Variants in COPS8 observed in about 807,000 individuals in gnomAD.
COPS8 encodes COP9 signalosome complex subunit 8.
A neutral mutation model predicts 31.5 loss-of-function variants in COPS8; 11 were observed. That is an observed-to-expected ratio of 0.35 (90% CI 0.22 to 0.58). The LOEUF is 0.58. Ranked by LOEUF, COPS8 falls within the 20% of genes least tolerant of loss-of-function variation. COPS8 has a pLI of 0.83. For missense variants in COPS8, 215 were observed against 255.1 expected (o/e 0.84, Z 1.07); for synonymous variants, 81 against 89.3 (o/e 0.91, Z 0.52).
intron 7 of COPS8, 72 bp downstream of exon 7, chr2:237,096,941 ATGTGTGTGTGAG>A: frequency 9.7e-7 from 1 of 1,027,426 alleles, no homozygotes; most frequent in Admixed American, 2.0e-5. Flanking sequence ...ATATATGTAT[ATGTGTGTGTGAG>A]TGTGTGTATC....
chr2:237,087,248 T>C (rs751905677), intron 2 of COPS8, 51 bp downstream of exon 2: 1 of 1,371,088 alleles, frequency 7.3e-7, no homozygotes, highest in South Asian at 1.3e-5. Context: ...CAAAGTTATA[T>C]GGAAATATTT....
At chr2:237,094,517 C>A (rs116773532) in intron 5 of COPS8, among the ~76,000 whole-genome samples, 2 of 151,974 alleles carry the variant, frequency 1.3e-5, no homozygotes, top group African/African-American at 4.8e-5. Context: ...ATCCCCACGT[C>A]CCTTTTCATT....
At chr2:237,087,979 A>G (rs1696649489) in intron 2 of COPS8, among the ~76,000 whole-genome samples, 1 of 150,806 alleles carries the variant, frequency 6.6e-6, no homozygotes, top group Non-Finnish European at 1.5e-5. Context: ...AGTCTCCTAT[A>G]GTTCTGTGAC....
chr2:237,097,636 A>C, intron 7 of COPS8, 27 bp from the exon 8 acceptor site: 1 of 1,560,044 alleles, frequency 6.4e-7, no homozygotes, highest in Non-Finnish European at 8.8e-7. Context: ...ATGTAACATG[A>C]AGTGTGTTTG....
chr2:237,089,198 G>C (rs987835943), intron 3 of COPS8, among the ~76,000 whole-genome samples: 2 of 152,176 alleles, frequency 1.3e-5, no homozygotes, highest in African/African-American at 4.8e-5. Flanking sequence ...TGAGTGTCAA[G>C]TGAAATTTTT....
At chr2:237,090,141 C>G in intron 4 of COPS8, 147 bp downstream of exon 4, 1 of 682,408 alleles carries the variant, frequency 1.5e-6, no homozygotes. Flanking sequence ...TTAGATTTGC[C>G]CTAATCATGC....
At position 237,099,667 on chromosome 2, in the gene COPS8, A is replaced by C. The variant is rs567554403; in HGVS notation, c.*1925A>C. On this transcript the variant is annotated 3_prime_UTR_variant, in exon 8 of 8. Coordinates refer to ENST00000354371, the MANE Select transcript of COPS8 (RefSeq NM_006710.5). ...CTCCTGTCTACATGAAAAGGTCTAG[A>C]GTAATTACAGTTCAGTAACAATGAG... 3 of 152,318 alleles carry C rather than the reference A, an allele frequency of 2.0e-5. No homozygotes were observed. Among genetic ancestry groups the C allele is most frequent in the African/African-American group, 7.2e-5 (3 of 41,576 alleles). The allele number at this position is 152,318 out of a possible 1,614,324, so 9.4% of individuals were successfully genotyped here.
chr2:237,087,564 G>A (rs1696642013), intron 2 of COPS8: 2 of 254,694 alleles, frequency 7.9e-6, no homozygotes, highest in Non-Finnish European at 1.7e-5. Flanking sequence ...TTACAAACAT[G>A]TATGAGATTT....
intron 1 of COPS8, 147 bp downstream of exon 1, chr2:237,086,189 C>T: frequency 1.3e-6 from 1 of 756,944 alleles, no homozygotes. Context: ...GATCCCTGAC[C>T]GCCGCAACCT....
intron 6 of COPS8, among the ~76,000 whole-genome samples, chr2:237,096,431 C>T (rs1357058044): frequency 1.3e-5 from 2 of 152,200 alleles, no homozygotes; most frequent in Non-Finnish European, 2.9e-5. Context: ...GATAGTTTCT[C>T]TTCCTCCTGC....
At chr2:237,091,961 A>C (rs1251121371) in intron 4 of COPS8, among the ~76,000 whole-genome samples, 1 of 152,134 alleles carries the variant, frequency 6.6e-6, no homozygotes, top group Non-Finnish European at 1.5e-5. Flanking sequence ...TTGGCGGCCA[A>C]CCTCCCTGGC....
rs758198801 is a variant in COPS8 at position 237,089,858 on chromosome 2, G to A, written c.199-4G>A. 1.2e-6 allele frequency: 2 copies of A among 1,611,948 alleles called. No homozygotes were observed. The highest frequency in any genetic ancestry group is 1.7e-6 in the Non-Finnish European group (2 of 1,179,622). On this transcript the variant is annotated splice_region_variant and splice_polypyrimidine_tract_variant and intron_variant, in intron 3 of 7. Coordinates refer to ENST00000354371, the MANE Select transcript of COPS8 (RefSeq NM_006710.5). ...ACCCTCTAAGGCAATAATATTTATT[G>A]CAGGCAAATTCTGAACTTGGGGGAA... is the stretch of plus-strand genomic sequence containing the variant.
rs1007319528 is a variant in COPS8, at chr2:237,098,618, TGTAACTTAAG to T, written c.*879_*888del. 3 of 152,220 alleles carry T rather than the reference TGTAACTTAAG, an allele frequency of 2.0e-5. No homozygotes were observed. The highest frequency in any genetic ancestry group is 6.5e-5 in the Admixed American group (1 of 15,284). The allele number at this position is 152,220 out of a possible 1,614,324, so 9.4% of individuals were successfully genotyped here. A position where few individuals can be genotyped will look rare whatever the true frequency, so the allele number is the denominator to read the frequency against. On this transcript the variant is annotated 3_prime_UTR_variant, in exon 8 of 8. Transcript: ENST00000354371. ...CCTCTGAATATTTGAAGTTGTTTGT[TGTAACTTAAG>T]GTTATAACAGCCCTTAGTTCATTTA...
chr2:237,091,811 C>T lies in COPS8; in HGVS notation c.331+1817C>T, dbSNP rs75696960. On this transcript the variant is annotated intron_variant, in intron 4 of 7. Coordinates refer to ENST00000354371, the MANE Select transcript of COPS8 (RefSeq NM_006710.5). ...GAGGGGCCAGTGTTACTGGGGCTGC[C>T]CCACAGGATGGATACAGAAGGTCAG... Among the ~76,000 whole-genome samples the T allele has an allele frequency of 7.9e-5, 12 of 152,290 alleles. No homozygotes were observed. The East Asian group carries it at 2.3e-3, about 29-fold the overall frequency.
chr2:237,086,118 C>T, intron 1 of COPS8, 76 bp downstream of exon 1: 5 of 1,378,210 alleles, frequency 3.6e-6, no homozygotes, highest in Admixed American at 3.8e-5. Context: ...TCCAGGGTAA[C>T]GGGGTCTGAG....
Position 237,089,968 on chromosome 2 carries a change from T to C in COPS8, c.305T>C (p.Val102Ala), listed in dbSNP as rs1193021671. The C allele has an allele frequency of 2.5e-6, 4 of 1,614,034 alleles. No homozygotes were observed. Among genetic ancestry groups the C allele is most frequent in the Non-Finnish European group, 3.4e-6 (4 of 1,179,940 alleles). ...TINAHQWSET[V>A]QPIMEALRDA... is the part of the protein sequence containing the mutation. Reference sequence around the variant, plus strand: ...AACGCTCACCAGTGGTCTGAGACGGTCCAGCCAATTATGGAAGCACTTAGA... The same window carrying C: ...AACGCTCACCAGTGGTCTGAGACGGCCCAGCCAATTATGGAAGCACTTAGA... Residue 102 changes from valine (V) to alanine (A), a missense_variant, in exon 4 of 8, where the codon GTC becomes GCC. By Grantham distance (64) the Val-to-Ala change is moderately conservative. Transcript: ENST00000354371.
intron 5 of COPS8, 126 bp downstream of exon 5, chr2:237,094,323 G>C: frequency 1.2e-6 from 1 of 857,108 alleles, no homozygotes; most frequent in African/African-American, 1.7e-5. Flanking sequence ...TGTTTTTTGA[G>C]AGGTGATATG....
chr2:237,096,518 G>A (rs1350172157), intron 6 of COPS8, among the ~76,000 whole-genome samples: 2 of 152,080 alleles, frequency 1.3e-5, no homozygotes, highest in Admixed American at 6.6e-5. Context: ...CTTCATCCAC[G>A]TCAGCCCAAA....
rs1000130283 is a variant in COPS8 at position 237,098,110 on chromosome 2, T to A, written c.*368T>A. On this transcript the variant is annotated 3_prime_UTR_variant, in exon 8 of 8. Coordinates refer to ENST00000354371, the MANE Select transcript of COPS8 (RefSeq NM_006710.5). ...TCTTATATGTACCATTGGTTGATAATTATAATGATTCATTTGGACTTGAAG... is the reference window on the plus strand; with the variant it reads ...TCTTATATGTACCATTGGTTGATAAATATAATGATTCATTTGGACTTGAAG... The A allele has an allele frequency of 2.5e-4, 41 of 163,066 alleles. No homozygotes were observed. Among genetic ancestry groups the A allele is most frequent in the Non-Finnish European group, 3.9e-4 (29 of 74,320 alleles). The allele number at this position is 163,066 out of a possible 1,614,324, so 10.1% of individuals were successfully genotyped here. A position where few individuals can be genotyped will look rare whatever the true frequency, so the allele number is the denominator to read the frequency against.
Sources: allele counts gnomAD v4.1 joint callset (sites outside exome capture counted in the v4.1 genomes callset), GRCh38; gene constraint gnomAD v4.1.1; transcripts MANE v1.5; gene names NCBI Gene and HGNC (gene_info 2026-07-23, HGNC 2026-07-21).